Variants in CASS4 observed in about 807,000 individuals in gnomAD.
CASS4 encodes the protein Cas scaffold protein family member 4.
A neutral mutation model predicts 54.2 loss-of-function variants in CASS4; 22 were observed. The observed-to-expected ratio is 0.41, with a 90% CI of 0.29 to 0.58. The LOEUF (loss-of-function observed/expected upper bound fraction) is 0.58. Among genes scored for constraint, CASS4 ranks in the 20% least tolerant of loss-of-function variants. The pLI is 0.36. For synonymous variants in CASS4, 409 were observed against 391.5 expected (o/e 1.04, Z -0.53); for missense variants, 854 against 986.7 (o/e 0.87, Z 1.80).
intron 1 of CASS4, among the ~76,000 whole-genome samples, chr20:56,429,789 C>T (rs59400829): frequency 0.058 from 8,844 of 152,198 alleles, 683 homozygotes; most frequent in East Asian, 0.35. Flanking sequence ...CTCAGGTAAA[C>T]GTCCCTAAGC....
chr20:56,455,385 G>T (rs1189260582), intron 5 of CASS4, among the ~76,000 whole-genome samples: 1 of 152,194 alleles, frequency 6.6e-6, no homozygotes, highest in Non-Finnish European at 1.5e-5. Flanking sequence ...ACTTACCTAG[G>T]TTATAGGGCA....
At position 56,445,786 on chromosome 20, in the gene CASS4, C is replaced by T; in HGVS notation, c.460-114C>T. 4.0e-6 allele frequency: 3 copies of T among 748,164 alleles called. No individual in the cohort carries two copies. The South Asian group carries it at 5.7e-5, about 14-fold the overall frequency. 46.3% of individuals were successfully genotyped at this position (748,164 alleles called of 1,614,324 possible). A position where few individuals can be genotyped will look rare whatever the true frequency, so the allele number is the denominator to read the frequency against. On this transcript the variant is annotated intron_variant, in intron 2 of 5. Transcript: ENST00000679887. The stretch of plus-strand genomic sequence containing the variant: ...CCTGCCAGCGGGGGTGCCGGGCGAC[C>T]CCTTCAGCAGTATCCACCCAGCTGT...
intron 3 of CASS4, among the ~76,000 whole-genome samples, chr20:56,447,019 C>A (rs1980747069): frequency 1.3e-5 from 2 of 151,988 alleles, no homozygotes; most frequent in African/African-American, 4.8e-5. Flanking sequence ...ACCAGCCCAG[C>A]CAACATGGTG....
At position 56,437,471 on chromosome 20, in the gene CASS4, A is replaced by C. The variant is rs541779429; in HGVS notation, c.344A>C (p.Gln115Pro). Residue 115 changes from glutamine (Q) to proline (P), a missense_variant, in exon 2 of 6, where the codon CAG becomes CCG. By Grantham distance (76) the Gln-to-Pro change is moderately conservative. Coordinates refer to ENST00000679887, the MANE Select transcript of CASS4 (RefSeq NM_020356.4). The surrounding 1 kb of genome is among the most constrained non-coding windows in gnomAD (Gnocchi z 4.7). Reference protein sequence around the residue: ...RPPTPGPVYEQMRSWAEGPQP... With the variant: ...RPPTPGPVYEPMRSWAEGPQP... The stretch of plus-strand genomic sequence containing the variant: ...CCCACTCCAGGCCCCGTTTATGAGC[A>C]GATGAGGAGTTGGGCGGAGGGGCCC... 1.2e-5 allele frequency: 19 copies of C among 1,612,920 alleles called. No homozygotes were observed. In the South Asian group the frequency reaches 1.6e-4, roughly 14 times the overall value.
At chr20:56,417,615 A>G (rs1030870084) in intron 1 of CASS4, among the ~76,000 whole-genome samples, 4 of 152,206 alleles carry the variant, frequency 2.6e-5, no homozygotes, top group African/African-American at 7.2e-5. Flanking sequence ...TGCCTACAAC[A>G]GTGCCTGCAC....
At chr20:56,436,374 G>GTATATA (rs60742243) in intron 1 of CASS4, among the ~76,000 whole-genome samples, 1,525 of 135,532 alleles carry the variant, frequency 0.011, 21 homozygotes, top group African/African-American at 0.039. Flanking sequence ...ATATATATAT[G>GTATATA]TATATATATA....
At position 56,443,597 on chromosome 20, in the gene CASS4, A is replaced by G. The variant is rs142051536; in HGVS notation, c.460-2303A>G. Reference sequence around the variant, plus strand: ...AGGTTTACTGAGTGTAAAGAGGGAGATCACAGAGCAGAGGAACCATGAGGC... The same window carrying G: ...AGGTTTACTGAGTGTAAAGAGGGAGGTCACAGAGCAGAGGAACCATGAGGC... On this transcript the variant is annotated intron_variant, in intron 2 of 5. Transcript: ENST00000679887. 2.5e-3 allele frequency among the ~76,000 whole-genome samples: 387 copies of G among 152,168 alleles called. 2 individuals are homozygous for G. The highest frequency in any genetic ancestry group is 8.8e-3 in the African/African-American group (367 of 41,520).
At chr20:56,434,403 T>C (rs1003175030) in intron 1 of CASS4, among the ~76,000 whole-genome samples, 3 of 152,140 alleles carry the variant, frequency 2.0e-5, no homozygotes, top group African/African-American at 7.2e-5. Context: ...TATTGAAAAA[T>C]GTTTATTGAC....
At chr20:56,447,593 C>T (rs181178988) in intron 3 of CASS4, among the ~76,000 whole-genome samples, 1 of 152,334 alleles carries the variant, frequency 6.6e-6, no homozygotes, top group East Asian at 1.9e-4. Flanking sequence ...ACCTCCTACC[C>T]CTCACCTCCT....
intron 1 of CASS4, among the ~76,000 whole-genome samples, chr20:56,426,780 G>T (rs1979661291): frequency 6.6e-6 from 1 of 152,040 alleles, no homozygotes; most frequent in Non-Finnish European, 1.5e-5. Flanking sequence ...GTTTCACCAT[G>T]TTTCCCAGGC....
rs188310735 is a variant in CASS4 at position 56,434,180 on chromosome 20, T to A, written c.37-2984T>A. Among the ~76,000 whole-genome samples, 4 of 152,260 alleles carry A rather than the reference T, an allele frequency of 2.6e-5. No homozygotes were observed. The East Asian group carries it at 7.7e-4, about 29-fold the overall frequency. ...TTTGCTGGAGGGCAACGTGACAGCATCCGGAGCCCTGATGGTTTCCACCCA... is the reference window on the plus strand; with the variant it reads ...TTTGCTGGAGGGCAACGTGACAGCAACCGGAGCCCTGATGGTTTCCACCCA... On this transcript the variant is annotated intron_variant, in intron 1 of 5. Transcript: ENST00000679887.
chr20:56,422,283 G>A (rs1363422130), intron 1 of CASS4, among the ~76,000 whole-genome samples: 2 of 152,166 alleles, frequency 1.3e-5, no homozygotes, highest in East Asian at 3.9e-4. Context: ...TATGACATGG[G>A]CCCATCTTGG....
chr20:56,417,480 T>C (rs1232497501), intron 1 of CASS4, among the ~76,000 whole-genome samples: 2 of 152,240 alleles, frequency 1.3e-5, no homozygotes, highest in African/African-American at 4.8e-5. Flanking sequence ...CACTCTCATC[T>C]ATCTTACCTT....
chr20:56,433,036 A>G (rs6024875), intron 1 of CASS4, among the ~76,000 whole-genome samples: 15,115 of 152,212 alleles, frequency 0.099, 1,820 homozygotes, highest in East Asian at 0.4. Context: ...CATTAATTCA[A>G]CAAGTAGCTA....
chr20:56,426,324 G>A (rs896970325), intron 1 of CASS4, among the ~76,000 whole-genome samples: 3 of 152,138 alleles, frequency 2.0e-5, no homozygotes, highest in Admixed American at 6.5e-5. Context: ...TATCAAATGC[G>A]GTCATCAGTG....
At chr20:56,431,279 C>T (rs1979891036) in intron 1 of CASS4, among the ~76,000 whole-genome samples, 1 of 152,280 alleles carries the variant, frequency 6.6e-6, no homozygotes, top group Admixed American at 6.5e-5. Context: ...CCCTGTTTTC[C>T]CTCCATTCCA....
At chr20:56,444,760 C>T (rs1370547446) in intron 2 of CASS4, among the ~76,000 whole-genome samples, 1 of 152,218 alleles carries the variant, frequency 6.6e-6, no homozygotes, top group Non-Finnish European at 1.5e-5. Context: ...GGTTCCATGG[C>T]TGAGACCATG....
chr20:56,431,937 T>C (rs1979925695), intron 1 of CASS4, among the ~76,000 whole-genome samples: 1 of 152,188 alleles, frequency 6.6e-6, no homozygotes, highest in South Asian at 2.1e-4. Context: ...ATGTAGATGG[T>C]TAAAGTACAG....
chr20:56,436,336 ATGTGTGTGTG>A (rs35972653), intron 1 of CASS4, among the ~76,000 whole-genome samples: 19 of 142,464 alleles, frequency 1.3e-4, no homozygotes, highest in Non-Finnish European at 2.3e-4. Context: ...TGCTATATAT[ATGTGTGTGTG>A]TGTGTGTGTG....
Sources: allele counts gnomAD v4.1 joint callset (sites outside exome capture counted in the v4.1 genomes callset), GRCh38; gene constraint gnomAD v4.1.1; non-coding constraint Gnocchi (gnomAD v3.1); transcripts MANE v1.5; gene names NCBI Gene and HGNC (gene_info 2026-07-23, HGNC 2026-07-21).